Variants in PIP4K2A observed in about 807,000 individuals in gnomAD.
PIP4K2A encodes the protein phosphatidylinositol 5-phosphate 4-kinase type-2 alpha.
Under a neutral mutation model 42.9 loss-of-function variants are expected in PIP4K2A, and 14 were observed. The ratio of observed to expected loss-of-function variants is 0.33; its 90% CI spans 0.22 to 0.51. The LOEUF (loss-of-function observed/expected upper bound fraction) is 0.51, where lower values mean the gene tolerates loss of function less well. PIP4K2A is among the 20% of genes least tolerant of loss of function. The pLI, the probability that PIP4K2A is intolerant of heterozygous loss-of-function variation, is 0.97. For synonymous variants in PIP4K2A, 192 were observed against 192.2 expected (o/e 1.00, Z 0.01); for missense variants, 434 against 519.8 (o/e 0.83, Z 1.61).
intron 1 of PIP4K2A, 52 bp downstream of exon 1, chr10:22,714,131 G>GGAGGAA (rs913284380): frequency 2.6e-6 from 4 of 1,532,052 alleles, no homozygotes; most frequent in Non-Finnish European, 3.5e-6. Flanking sequence ...AGGGGAACGA[G>GGAGGAA]GAGGAAGAGG....
chr10:22,653,131 T>C (rs533176512), intron 1 of PIP4K2A, among the ~76,000 whole-genome samples: 1 of 151,762 alleles, frequency 6.6e-6, no homozygotes, highest in African/African-American at 2.4e-5. Flanking sequence ...CCCCCGGGGG[T>C]ATGAATCATA....
chr10:22,600,425 G>A (rs1588654951), intron 3 of PIP4K2A, among the ~76,000 whole-genome samples: 9 of 152,076 alleles, frequency 5.9e-5, no homozygotes, highest in Admixed American at 5.9e-4. Flanking sequence ...CTGGGGGGCC[G>A]GAGAGAGCAC....
chr10:22,619,645 C>T (rs1191617679), intron 1 of PIP4K2A, among the ~76,000 whole-genome samples: 2 of 152,024 alleles, frequency 1.3e-5, no homozygotes, highest in South Asian at 4.1e-4. Flanking sequence ...CCATGTTAGC[C>T]AGGCTGGTCT....
chr10:22,633,674 C>T (rs1024403473), intron 1 of PIP4K2A, among the ~76,000 whole-genome samples: 1 of 152,160 alleles, frequency 6.6e-6, no homozygotes, highest in African/African-American at 2.4e-5. Context: ...GACCGTCATT[C>T]CTTCTCGCCA....
intron 1 of PIP4K2A, among the ~76,000 whole-genome samples, chr10:22,626,784 G>A (rs1238592095): frequency 1.3e-5 from 2 of 152,060 alleles, no homozygotes; most frequent in East Asian, 3.8e-4. Flanking sequence ...ATATTTAGAC[G>A]CATGTATACT....
chr10:22,607,578 C>T (rs1335322480), intron 3 of PIP4K2A, among the ~76,000 whole-genome samples: 2 of 152,194 alleles, frequency 1.3e-5, no homozygotes, highest in Non-Finnish European at 2.9e-5. Context: ...CATGCACACT[C>T]ACACAGGCTA....
intron 5 of PIP4K2A, chr10:22,569,128 T>G (rs1836919695): frequency 9.2e-7 from 1 of 1,087,368 alleles, no homozygotes. Flanking sequence ...TTGAGCTTCC[T>G]GCAATTCACA....
At chr10:22,572,978 C>T (rs1837025046) in intron 5 of PIP4K2A, among the ~76,000 whole-genome samples, 2 of 152,202 alleles carry the variant, frequency 1.3e-5, no homozygotes, top group Non-Finnish European at 2.9e-5. Context: ...ACTAACTTAT[C>T]ACTTTTACTT....
chr10:22,609,501 T>G (rs1356249289), intron 2 of PIP4K2A, 119 bp downstream of exon 2: 1 of 680,286 alleles, frequency 1.5e-6, no homozygotes, highest in Non-Finnish European at 2.6e-6. Flanking sequence ...ATCACAGGAT[T>G]AACTTCATCA....
chr10:22,651,486 A>T (rs1212897246), intron 1 of PIP4K2A, among the ~76,000 whole-genome samples: 2 of 151,798 alleles, frequency 1.3e-5, no homozygotes, highest in Non-Finnish European at 2.9e-5. Context: ...CCACGCAGCA[A>T]CTCTGCCTGG....
chr10:22,574,971 G>A (rs543974908), intron 4 of PIP4K2A, among the ~76,000 whole-genome samples: 1 of 152,304 alleles, frequency 6.6e-6, no homozygotes, highest in Non-Finnish European at 1.5e-5. Context: ...GTGCAGTAGA[G>A]AGAACGTAGG....
At chr10:22,572,647 G>C (rs1389726574) in intron 5 of PIP4K2A, among the ~76,000 whole-genome samples, 1 of 152,088 alleles carries the variant, frequency 6.6e-6, no homozygotes, top group Non-Finnish European at 1.5e-5. Flanking sequence ...CCTCAAGTAG[G>C]ATTTGGAATT....
At chr10:22,586,921 C>G (rs1370191735) in intron 4 of PIP4K2A, among the ~76,000 whole-genome samples, 1 of 152,164 alleles carries the variant, frequency 6.6e-6, no homozygotes, top group Non-Finnish European at 1.5e-5. Flanking sequence ...GAAGAGGGTA[C>G]TATTATCCAA....
chr10:22,626,230 AC>A (rs1710544621), intron 1 of PIP4K2A, among the ~76,000 whole-genome samples: 1 of 151,706 alleles, frequency 6.6e-6, no homozygotes, highest in African/African-American at 2.4e-5. Context: ...AATTTCTCCT[AC>A]CCAAATTTCT....
At chr10:22,628,197 C>A (rs1838485336) in intron 1 of PIP4K2A, among the ~76,000 whole-genome samples, 1 of 152,162 alleles carries the variant, frequency 6.6e-6, no homozygotes, top group Non-Finnish European at 1.5e-5. Flanking sequence ...AGATGACTTA[C>A]TAAAAGATTA....
At chr10:22,569,295 T>C (rs746145802) in intron 5 of PIP4K2A, among the ~76,000 whole-genome samples, 9 of 152,142 alleles carry the variant, frequency 5.9e-5, no homozygotes, top group Admixed American at 1.3e-4. Flanking sequence ...CCAGGGAAAA[T>C]GTTCAATGTT....
At chr10:22,561,657 C>A (rs758468371) in intron 6 of PIP4K2A, among the ~76,000 whole-genome samples, 3 of 141,002 alleles carry the variant, frequency 2.1e-5, no homozygotes, top group African/African-American at 5.2e-5. Flanking sequence ...CTCACTGCAG[C>A]ATCGACATCC....
chr10:22,575,659 G>T (rs1388141327), intron 4 of PIP4K2A, among the ~76,000 whole-genome samples: 1 of 152,076 alleles, frequency 6.6e-6, no homozygotes, highest in Non-Finnish European at 1.5e-5. Flanking sequence ...TGTCTACTTT[G>T]CCAGGCGCGG....
chr10:22,657,827 A>G (rs1409683205), intron 1 of PIP4K2A, among the ~76,000 whole-genome samples: 1 of 152,244 alleles, frequency 6.6e-6, no homozygotes, highest in South Asian at 2.1e-4. Flanking sequence ...GTAAATAAGA[A>G]CACTGTTATT....
Sources: gnomAD v4.1 joint callset for allele counts (sites outside exome capture counted in the v4.1 genomes callset) on GRCh38, gnomAD v4.1.1 for gene constraint, MANE v1.5 for transcripts, NCBI Gene and HGNC (gene_info 2026-07-23, HGNC 2026-07-21) for gene names.